The following PCSK5 variants were observed in gnomAD, a reference collection of about 807,000 sequenced individuals.
PCSK5 encodes the protein prohormone convertase 5.
PCSK5 carries 129 observed loss-of-function variants against 233.2 expected under a neutral mutation model. That is an observed-to-expected ratio of 0.55 (90% CI 0.48 to 0.64). The LOEUF is 0.64. PCSK5 is among the 30% of genes least tolerant of loss of function. The pLI, the probability that PCSK5 is intolerant of heterozygous loss-of-function variation, is 0.00. For missense variants in PCSK5, 2,076 were observed against 2,430.1 expected (o/e 0.85, Z 3.06); for synonymous variants, 825 against 879.2 (o/e 0.94, Z 1.09).
At chr9:76,234,827 G>C (rs1826199786) in intron 22 of PCSK5, among the ~76,000 whole-genome samples, 1 of 152,202 alleles carries the variant, frequency 6.6e-6, no homozygotes, top group Admixed American at 6.5e-5. Flanking sequence ...GTTTGTAGCT[G>C]CTTAGTCTTT....
chr9:75,994,487 C>T (rs113699806), intron 3 of PCSK5, among the ~76,000 whole-genome samples: 1,589 of 142,264 alleles, frequency 0.011, 18 homozygotes, highest in South Asian at 0.031. Context: ...TGCAGTGGCG[C>T]GATCTTAGCT....
chr9:76,152,874 G>C (rs1386370535), intron 10 of PCSK5, among the ~76,000 whole-genome samples: 1 of 152,066 alleles, frequency 6.6e-6, no homozygotes, highest in African/African-American at 2.4e-5. Flanking sequence ...TTACCTACTT[G>C]TGCGCCTAAC....
chr9:75,967,078 T>TA (rs398113551), intron 2 of PCSK5, among the ~76,000 whole-genome samples: 8 of 151,876 alleles, frequency 5.3e-5, no homozygotes, highest in Admixed American at 1.3e-4. Flanking sequence ...ACCCCTTTTT[T>TA]AAGTGTTTTA....
At chr9:76,023,144 A>G (rs1220941656) in intron 3 of PCSK5, among the ~76,000 whole-genome samples, 1 of 152,230 alleles carries the variant, frequency 6.6e-6, no homozygotes, top group Non-Finnish European at 1.5e-5. Flanking sequence ...ACATGTTAAC[A>G]ATAAAATGAT....
chr9:76,123,328 T>G (rs1006800384), intron 9 of PCSK5, among the ~76,000 whole-genome samples: 7 of 152,208 alleles, frequency 4.6e-5, no homozygotes, highest in Non-Finnish European at 1.0e-4. Context: ...TGTATATGTT[T>G]TGTGCAGGGG....
chr9:75,978,243 C>A (rs1460937548), intron 2 of PCSK5, among the ~76,000 whole-genome samples: 1 of 152,132 alleles, frequency 6.6e-6, no homozygotes, highest in Non-Finnish European at 1.5e-5. Flanking sequence ...TTACCTATTT[C>A]TTGAGGGCAT....
At chr9:76,228,667 T>C (rs1277544847) in intron 21 of PCSK5, among the ~76,000 whole-genome samples, 1 of 152,238 alleles carries the variant, frequency 6.6e-6, no homozygotes, top group Admixed American at 6.5e-5. Context: ...GCACTGAATA[T>C]TTTTTGGCTA....
chr9:75,987,155 T>TGCTTTCCTGGCTCCCTGCCTCCC (rs1826551789), intron 3 of PCSK5, among the ~76,000 whole-genome samples: 2 of 152,286 alleles, frequency 1.3e-5, no homozygotes, highest in African/African-American at 4.8e-5. Flanking sequence ...AGCTGCCTCA[T>TGCTTTCCTGGCTCCCTGCCTCCC]GCTTTCCTGG....
chr9:76,240,711 A>G, intron 24 of PCSK5, 27 bp downstream of exon 24: 1 of 1,504,184 alleles, frequency 6.6e-7, no homozygotes, highest in East Asian at 2.3e-5. Flanking sequence ...TGTCACCTAA[A>G]GAGTTGAAAT....
At position 76,068,012 on chromosome 9, in the gene PCSK5, A is replaced by G. The variant is rs749213258; in HGVS notation, c.690A>G (p.Thr230=). 6.6e-5 allele frequency: 106 copies of G among 1,613,934 alleles called. No individual in the cohort carries two copies. The highest frequency in any genetic ancestry group is 8.6e-5 in the Non-Finnish European group (101 of 1,179,896). ...VAAAANNSHC[T]VGIAFNAKIG... Reference sequence around the variant, plus strand: ...CCGCTGCAAACAATTCGCACTGCACAGTCGGAATTGCTTTCAACGCCAAGA... The same window carrying G: ...CCGCTGCAAACAATTCGCACTGCACGGTCGGAATTGCTTTCAACGCCAAGA... The change falls in exon 6 of 38, where the codon ACA becomes ACG. Residue 230 remains threonine (T), a synonymous_variant. Coordinates refer to ENST00000674117, the MANE Select transcript of PCSK5 (RefSeq NM_001372043.1).
chr9:76,059,936 T>C (rs981720392), intron 5 of PCSK5, among the ~76,000 whole-genome samples: 3 of 152,182 alleles, frequency 2.0e-5, no homozygotes, highest in Admixed American at 2.0e-4. Flanking sequence ...GTGGGCTTAC[T>C]CTAGAACTCT....
At chr9:75,917,487 C>T (rs12236682) in intron 1 of PCSK5, among the ~76,000 whole-genome samples, 6,377 of 152,282 alleles carry the variant, frequency 0.042, 452 homozygotes, top group East Asian at 0.37. Flanking sequence ...GCTGAAGAAC[C>T]GTGTGTCACC....
At chr9:76,132,353 G>C (rs10869706) in intron 9 of PCSK5, among the ~76,000 whole-genome samples, 9,207 of 152,060 alleles carry the variant, frequency 0.061, 392 homozygotes, top group Non-Finnish European at 0.089. Context: ...CCTAACAAGT[G>C]CTGTATCCTA....
chr9:76,181,399 A>T lies in PCSK5; in HGVS notation c.2005A>T (p.Ile669Phe), dbSNP rs1564086890. The T allele has an allele frequency of 1.2e-6, 2 of 1,611,632 alleles. No individual in the cohort carries two copies. Among genetic ancestry groups the T allele is most frequent in the Non-Finnish European group, 1.7e-6 (2 of 1,178,910 alleles). ...CTTTCTTATTGTTTCACAATGCAGGATCTGTGTCTCCAGCTGCCCCCCTGG... is the reference window on the plus strand; with the variant it reads ...CTTTCTTATTGTTTCACAATGCAGGTTCTGTGTCTCCAGCTGCCCCCCTGG... ...YYYKLKNNTR[I>F]CVSSCPPGHY... is the part of the protein sequence containing the mutation. The change falls in exon 16 of 38, where the codon ATC (isoleucine) becomes TTC (phenylalanine). Residue 669 changes from isoleucine to phenylalanine, a missense_variant and splice_region_variant. Physicochemically the swap from Ile to Phe is conservative, Grantham distance 21 (BLOSUM62 0). This residue lies in a region of PCSK5 where 84 missense variants were observed against 108.8 expected (regional missense o/e 0.77). Coordinates refer to ENST00000674117, the MANE Select transcript of PCSK5 (RefSeq NM_001372043.1).
chr9:75,963,205 C>A (rs1825429981), intron 2 of PCSK5, among the ~76,000 whole-genome samples: 1 of 152,094 alleles, frequency 6.6e-6, no homozygotes, highest in African/African-American at 2.4e-5. Flanking sequence ...CTTTATCCAA[C>A]AAGAGAGAGA....
At chr9:76,267,166 T>G (rs1827358509) in intron 24 of PCSK5, among the ~76,000 whole-genome samples, 1 of 152,138 alleles carries the variant, frequency 6.6e-6, no homozygotes, top group South Asian at 2.1e-4. Context: ...GCCACCAGCC[T>G]TCTAAAATGG....
At chr9:76,351,493 A>G (rs1254514664) in intron 36 of PCSK5, among the ~76,000 whole-genome samples, 1 of 108,338 alleles carries the variant, frequency 9.2e-6, no homozygotes, top group East Asian at 3.6e-4. Flanking sequence ...AGAAAGAAAG[A>G]AAGAAAGAAA....
chr9:75,922,468 T>A (rs538506843), intron 1 of PCSK5, among the ~76,000 whole-genome samples: 2 of 151,934 alleles, frequency 1.3e-5, no homozygotes, highest in Non-Finnish European at 2.9e-5. Context: ...GCTTGTTACA[T>A]GAGAAAAAAA....
intron 1 of PCSK5, among the ~76,000 whole-genome samples, chr9:75,909,423 C>T (rs115469926): frequency 0.027 from 4,021 of 151,704 alleles, 172 homozygotes; most frequent in African/African-American, 0.09. Context: ...GAGCTGGGTG[C>T]GGTAGCTCAC....
Sources: gnomAD v4.1 joint callset for allele counts (sites outside exome capture counted in the v4.1 genomes callset) on GRCh38, gnomAD v4.1.1 for gene constraint, gnomAD v4.1.1 regional missense constraint, MANE v1.5 for transcripts, NCBI Gene and HGNC (gene_info 2026-07-23, HGNC 2026-07-21) for gene names.